The following MROH1 variants were observed in gnomAD, a reference collection of about 807,000 sequenced individuals.
MROH1 encodes the protein maestro heat-like repeat-containing protein family member 1.
A neutral mutation model predicts 116.5 loss-of-function variants in MROH1; 117 were observed. The observed-to-expected ratio is 1.00, with a 90% confidence interval of 0.86 to 1.17. The LOEUF is 1.17. Ranked by LOEUF, MROH1 falls within the 50% of genes most tolerant of loss-of-function variation. MROH1 has a pLI of 0.00. For missense variants in MROH1, 1,873 were observed against 1,338.5 expected (o/e 1.40, Z -6.23); for synonymous variants, 921 against 583.9 (o/e 1.58, Z -8.32).
intron 14 of MROH1, among the ~76,000 whole-genome samples, chr8:144,225,910 GTT>G (rs764956904): frequency 0.058 from 5,114 of 87,420 alleles, 410 homozygotes; most frequent in African/African-American, 0.21. Context: ...TTCATTTTTA[GTT>G]TTTTTTTTTT....
intron 12 of MROH1, among the ~76,000 whole-genome samples, chr8:144,216,508 T>G (rs1438733963): frequency 6.6e-6 from 1 of 152,090 alleles, no homozygotes; most frequent in Non-Finnish European, 1.5e-5. Context: ...GTGTCCAGTG[T>G]CTTTGCCATC....
intron 14 of MROH1, among the ~76,000 whole-genome samples, chr8:144,237,397 G>A (rs905952484): frequency 6.6e-6 from 1 of 152,248 alleles, no homozygotes; most frequent in African/African-American, 2.4e-5. Flanking sequence ...GCGCAGGACG[G>A]TGTCCCAGCT....
chr8:144,200,106 A>C (rs867186185), intron 11 of MROH1, among the ~76,000 whole-genome samples: 1 of 152,168 alleles, frequency 6.6e-6, no homozygotes, highest in African/African-American at 2.4e-5. Context: ...CAAGAGAGTC[A>C]AGAGGGGCTA....
rs893827453 is a variant in MROH1 at position 144,258,797 on chromosome 8, G to A, written c.3812G>A (p.Arg1271Gln). ...EPCSSAVDTL[R>Q]SMLLRSGSED... ...TGCAGCTCTGCAGTGGACACCCTGC[G>A]GTCCATGCTACTCCGCAGCGGCAGC... The change falls in exon 36 of 44, where the codon CGG becomes CAG. Residue 1271 changes from arginine (R) to glutamine (Q), a missense_variant. Arg to Gln is a conservative substitution (Grantham distance 43). Transcript: ENST00000326134. 2.0e-4 allele frequency: 153 copies of A among 768,092 alleles called. No homozygotes were observed. The highest frequency in any genetic ancestry group is 3.2e-4 in the Non-Finnish European group (134 of 414,032). The allele number at this position is 768,092 out of a possible 1,614,324, so 47.6% of individuals were successfully genotyped here.
chr8:144,195,690 C>A (rs1194498428), intron 10 of MROH1, among the ~76,000 whole-genome samples: 2 of 151,574 alleles, frequency 1.3e-5, no homozygotes, highest in Admixed American at 1.3e-4. Flanking sequence ...AATATTTGTT[C>A]CTACTTTGTC....
chr8:144,210,723 T>G (rs1054594239), intron 12 of MROH1, among the ~76,000 whole-genome samples: 1 of 152,026 alleles, frequency 6.6e-6, no homozygotes, highest in African/African-American at 2.4e-5. Flanking sequence ...TATATATACA[T>G]TCAAATTTAT....
rs141049826 is a variant in MROH1 at position 144,182,397 on chromosome 8, A to G, written c.562+1874A>G. Among the ~76,000 whole-genome samples, 577 of 152,336 alleles carry G rather than the reference A, an allele frequency of 3.8e-3. 7 individuals carry two copies. The highest frequency in any genetic ancestry group is 6.8e-3 in the South Asian group (33 of 4,832). ...CCTCCAGTAGGAAAGGTGGCAACAA[A>G]AGAAACAGACACTAATTGGAGATGT... On this transcript the variant is annotated intron_variant, in intron 7 of 43. Transcript: ENST00000326134. The surrounding 1 kb of genome is among the most constrained non-coding windows in gnomAD (Gnocchi z 4.1).
chr8:144,210,698 C>G (rs13255246), intron 12 of MROH1, among the ~76,000 whole-genome samples: 4 of 103,928 alleles, frequency 3.8e-5, no homozygotes, highest in South Asian at 3.3e-4. Context: ...CTCTCTCTCT[C>G]TCTATCTCTC....
rs368117761 is a variant in MROH1, at chr8:144,180,539, G to A, written c.562+16G>A. 7.6e-5 allele frequency: 122 copies of A among 1,603,900 alleles called. No homozygotes were observed. Among genetic ancestry groups the A allele is most frequent in the Non-Finnish European group, 9.5e-5 (112 of 1,178,000 alleles). ...TTCTGCTCCGGTAAGAGGCGGCCTC[G>A]TCACCTTCTGTCTCAAGTGCCCCTT... On this transcript the variant is annotated intron_variant, in intron 7 of 43. Coordinates refer to ENST00000326134, the MANE Select transcript of MROH1 (RefSeq NM_032450.3). The surrounding 1 kb of genome is among the most constrained non-coding windows in gnomAD (Gnocchi z 7.4).
chr8:144,248,542 C>A (rs1200101867), intron 31 of MROH1, among the ~76,000 whole-genome samples: 12 of 152,184 alleles, frequency 7.9e-5, no homozygotes, highest in Non-Finnish European at 1.3e-4. Flanking sequence ...TTCTAGAGAG[C>A]TCCAGGGCGA....
intron 14 of MROH1, among the ~76,000 whole-genome samples, chr8:144,238,360 C>T (rs1347799663): frequency 1.3e-5 from 2 of 152,144 alleles, no homozygotes; most frequent in Non-Finnish European, 2.9e-5. Context: ...GCTGAGCGTA[C>T]AGAGAGGACA....
At chr8:144,171,242 G>A (rs2046848939) in intron 4 of MROH1, among the ~76,000 whole-genome samples, 1 of 152,194 alleles carries the variant, frequency 6.6e-6, no homozygotes, top group Non-Finnish European at 1.5e-5. Flanking sequence ...GGGTTTTCAC[G>A]ACCCCCTCCT....
intron 4 of MROH1, among the ~76,000 whole-genome samples, chr8:144,178,366 A>G (rs958755402): frequency 6.6e-6 from 1 of 151,736 alleles, no homozygotes; most frequent in Non-Finnish European, 1.5e-5. Flanking sequence ...CCCTGACATC[A>G]GGTGATCCGC....
intron 12 of MROH1, among the ~76,000 whole-genome samples, chr8:144,201,773 G>A (rs1831198999): frequency 6.6e-6 from 1 of 152,068 alleles, no homozygotes; most frequent in Admixed American, 6.6e-5. Flanking sequence ...AGCACTTTGG[G>A]AGGCCATGGC....
At chr8:144,237,217 ATTC>A (rs1416406834) in intron 14 of MROH1, among the ~76,000 whole-genome samples, 6 of 152,052 alleles carry the variant, frequency 3.9e-5, no homozygotes, top group African/African-American at 1.4e-4. Context: ...AGCCTCTCCT[ATTC>A]TTATGTGCAT....
At chr8:144,175,300 G>A (rs1267883384) in intron 4 of MROH1, among the ~76,000 whole-genome samples, 2 of 147,524 alleles carry the variant, frequency 1.4e-5, no homozygotes, top group Admixed American at 6.7e-5. Flanking sequence ...TCCCAGCAAC[G>A]GGTCCAGTCG....
chr8:144,246,482 C>T (rs953001223), intron 29 of MROH1, among the ~76,000 whole-genome samples: 1 of 152,114 alleles, frequency 6.6e-6, no homozygotes, highest in Non-Finnish European at 1.5e-5. Flanking sequence ...GCTCTTCCCA[C>T]CTCATACTTT....
intron 1 of MROH1, among the ~76,000 whole-genome samples, chr8:144,155,976 C>T (rs1817954836): frequency 6.6e-6 from 1 of 151,790 alleles, no homozygotes; most frequent in African/African-American, 2.4e-5. Context: ...CGGTGGCTCA[C>T]GCCTGTAATC....
Position 144,234,896 on chromosome 8 carries a change from T to TTC in MROH1, c.1339-3859_1339-3858insCT, listed in dbSNP as rs1554824126. Among the ~76,000 whole-genome samples, 26 of 146,484 alleles carry TTC rather than the reference T, an allele frequency of 1.8e-4. 1 individual carries two copies. Among genetic ancestry groups the TTC allele is most frequent in the Non-Finnish European group, 3.6e-4 (24 of 65,942 alleles). On this transcript the variant is annotated intron_variant, in intron 14 of 43. Transcript: ENST00000326134. ...AACAATTATCCTTTTTCTTTCTTTT[T>TTC]TTTTTTTTTTTTTTGAGACAGAGTT... is the stretch of plus-strand genomic sequence containing the variant.
Sources: gnomAD v4.1 joint callset for allele counts (sites outside exome capture counted in the v4.1 genomes callset) on GRCh38, gnomAD v4.1.1 for gene constraint, Gnocchi (gnomAD v3.1) non-coding constraint, MANE v1.5 for transcripts, NCBI Gene and HGNC (gene_info 2026-07-23, HGNC 2026-07-21) for gene names.